ADAP1: variants seen among roughly 807,000 people sequenced by gnomAD.
ADAP1 encodes the protein ArfGAP with dual PH domains 1.
A neutral mutation model predicts 54.9 loss-of-function variants in ADAP1; 31 were observed. The ratio of observed to expected loss-of-function variants is 0.56; its 90% CI spans 0.42 to 0.76. The LOEUF (loss-of-function observed/expected upper bound fraction) is 0.76, where lower values mean the gene tolerates loss of function less well. Among genes scored for constraint, ADAP1 ranks in the 30% least tolerant of loss-of-function variants. The pLI, the probability that ADAP1 is intolerant of heterozygous loss-of-function variation, is 0.00. For synonymous variants in ADAP1, 313 were observed against 202.6 expected (o/e 1.55, Z -4.63); for missense variants, 535 against 512.4 (o/e 1.04, Z -0.42).
At chr7:913,556 G>A (rs1038166288) in intron 4 of ADAP1, among the ~76,000 whole-genome samples, 4 of 152,116 alleles carry the variant, frequency 2.6e-5, no homozygotes, top group African/African-American at 9.7e-5. Flanking sequence ...GGACTTGGGG[G>A]TGTGTACCTT....
chr7:936,395 G>T (rs1026436296), intron 1 of ADAP1, among the ~76,000 whole-genome samples: 2 of 152,204 alleles, frequency 1.3e-5, no homozygotes, highest in Non-Finnish European at 2.9e-5. Context: ...GTTTCATCAT[G>T]TTGGCCAGGC....
At chr7:950,524 C>T (rs534673547) in intron 1 of ADAP1, among the ~76,000 whole-genome samples, 2 of 149,630 alleles carry the variant, frequency 1.3e-5, no homozygotes, top group East Asian at 4.0e-4. Context: ...CGCATGGTTT[C>T]ACTTCTACAA....
Position 945,754 on chromosome 7 carries a change from T to C in ADAP1, c.82+8642A>G. ...TCCCTCCCTCCTCCCAGCCCCGCTC[T>C]GCCCTACCTGCTCCCAGGACGCCCG... On this transcript the variant is annotated intron_variant, in intron 1 of 10. Transcript: ENST00000265846. The surrounding 1 kb of genome is among the most constrained non-coding windows in gnomAD (Gnocchi z 4.2). 5.1e-6 allele frequency: 5 copies of C among 985,922 alleles called. No homozygotes were observed. Among genetic ancestry groups the C allele is most frequent in the Non-Finnish European group, 6.0e-6 (5 of 830,168 alleles). 61.1% of individuals were successfully genotyped at this position (985,922 alleles called of 1,614,324 possible).
Position 904,229 on chromosome 7 carries a change from G to C in ADAP1, c.545C>G (p.Ala182Gly). 6.2e-7 allele frequency: 1 copy of C among 1,609,992 alleles called. No individual in the cohort carries two copies. Among genetic ancestry groups the C allele is most frequent in the Non-Finnish European group, 8.5e-7 (1 of 1,178,426 alleles). The change falls in exon 6 of 11, where the codon GCC becomes GGC. Residue 182 changes from alanine (A) to glycine (G), a missense_variant. Coordinates refer to ENST00000265846, the MANE Select transcript of ADAP1 (RefSeq NM_006869.4). The stretch of plus-strand genomic sequence containing the variant: ...GCCGATCTTGGCCGGCTGGAAGGTG[G>C]CGTTCAGGTGCTCGATCTTCATCAC... ...KAVMKIEHLNATFQPAKIGHP... is the reference protein window; with the variant it reads ...KAVMKIEHLNGTFQPAKIGHP...
At chr7:953,942 G>A (rs1039505214) in intron 1 of ADAP1, among the ~76,000 whole-genome samples, 2 of 152,180 alleles carry the variant, frequency 1.3e-5, no homozygotes, top group Non-Finnish European at 2.9e-5. Flanking sequence ...GGTGCGGGAA[G>A]GGCGTGAGGC....
chr7:901,707 G>GC (rs1844824236), intron 6 of ADAP1, among the ~76,000 whole-genome samples: 1 of 119,334 alleles, frequency 8.4e-6, no homozygotes, highest in African/African-American at 3.2e-5. Context: ...CCTAGGCCAC[G>GC]CCCACAAGCC....
chr7:909,044 G>A (rs1175940511), intron 4 of ADAP1, among the ~76,000 whole-genome samples: 1 of 152,216 alleles, frequency 6.6e-6, no homozygotes, highest in African/African-American at 2.4e-5. Flanking sequence ...CAGGCCGCGG[G>A]GTCTGGGAGG....
At position 954,429 on chromosome 7, in the gene ADAP1, C is replaced by T. The variant is rs1402119335; in HGVS notation, c.49G>A (p.Gly17Arg). ...CCGCAGTCCGCGCAGCGCGCGTTCCCCGGCCGCTGCAGCAGCTCCAGGACC... is the reference window on the plus strand; with the variant it reads ...CCGCAGTCCGCGCAGCGCGCGTTCCTCGGCCGCTGCAGCAGCTCCAGGACC... ...RAVLELLQRP[G>R]NARCADCGAP... The change falls in exon 1 of 11, where the codon GGG becomes AGG. Residue 17 changes from glycine (G) to arginine (R), a missense_variant. Gly to Arg is a moderately radical substitution (Grantham distance 125). Coordinates refer to ENST00000265846, the MANE Select transcript of ADAP1 (RefSeq NM_006869.4). The T allele has an allele frequency of 8.8e-7, 1 of 1,140,614 alleles. No homozygotes were observed. The highest frequency in any genetic ancestry group is 1.1e-6 in the Non-Finnish European group (1 of 917,804). 70.7% of individuals were successfully genotyped at this position (1,140,614 alleles called of 1,614,324 possible).
chr7:935,728 C>T (rs1021630598), intron 1 of ADAP1, among the ~76,000 whole-genome samples: 2 of 152,012 alleles, frequency 1.3e-5, no homozygotes, highest in Admixed American at 6.5e-5. Context: ...CCCACGGCAT[C>T]TGAGGAAGCC....
chr7:922,868 C>T (rs1846240827), intron 3 of ADAP1: 1 of 149,590 alleles, frequency 6.7e-6, no homozygotes, highest in Admixed American at 6.6e-5. Flanking sequence ...CCACCCCCGC[C>T]CCCATTGTCT....
chr7:926,927 C>A lies in ADAP1; in HGVS notation c.214-283G>T. 1 of 1,209,610 alleles carries A rather than the reference C, an allele frequency of 8.3e-7. No individual in the cohort carries two copies. Among genetic ancestry groups the A allele is most frequent in the African/African-American group, 1.6e-5 (1 of 63,470 alleles). The allele number at this position is 1,209,610 out of a possible 1,614,324, so 74.9% of individuals were successfully genotyped here. The stretch of plus-strand genomic sequence containing the variant: ...CTTTTGAGGATGGGTCTGAGGTTTG[C>A]CCCACCGTTTCAACCCCCAAGTCCA... On this transcript the variant is annotated intron_variant, in intron 2 of 10. Coordinates refer to ENST00000265846, the MANE Select transcript of ADAP1 (RefSeq NM_006869.4). The surrounding 1 kb of genome is among the most constrained non-coding windows in gnomAD (Gnocchi z 4.6).
chr7:954,802 G>T (rs1219006907), upstream of ADAP1: 11 of 795,792 alleles, frequency 1.4e-5, no homozygotes, highest in Non-Finnish European at 1.7e-5. Flanking sequence ...CAGCCCGCGC[G>T]CCCCGGGGAC....
In ADAP1 at chr7:946,060, G is replaced by A. The variant is rs1847129590; in HGVS notation, c.82+8336C>T. On this transcript the variant is annotated intron_variant, in intron 1 of 10. Coordinates refer to ENST00000265846, the MANE Select transcript of ADAP1 (RefSeq NM_006869.4). The surrounding 1 kb of genome is among the most constrained non-coding windows in gnomAD (Gnocchi z 4.3). ...CACGCAAGGGGCAGCCGAGGTGGGA[G>A]GGTGCCCTTGTGGGAGGGGCTCCGG... Among the ~76,000 whole-genome samples, 1 of 152,236 alleles carries A rather than the reference G, an allele frequency of 6.6e-6. No homozygotes were observed. The highest frequency in any genetic ancestry group is 6.5e-5 in the Admixed American group (1 of 15,292).
intron 1 of ADAP1, among the ~76,000 whole-genome samples, chr7:947,705 G>T (rs191196985): frequency 1.3e-5 from 2 of 152,128 alleles, no homozygotes; most frequent in East Asian, 3.9e-4. Flanking sequence ...ACCCGGCCTC[G>T]GTCACTGCAG....
intron 4 of ADAP1, among the ~76,000 whole-genome samples, chr7:917,360 G>A (rs965292989): frequency 6.6e-5 from 10 of 151,144 alleles, no homozygotes; most frequent in African/African-American, 2.4e-4. Flanking sequence ...CGCAGTGCCA[G>A]CTCTACCAGG....
At position 898,312 on chromosome 7, in the gene ADAP1, A is replaced by G; in HGVS notation, c.*609T>C. 1 of 163,530 alleles carries G rather than the reference A, an allele frequency of 6.1e-6. No individual in the cohort carries two copies. The highest frequency in any genetic ancestry group is 5.7e-5 in the Admixed American group (1 of 17,652). The allele number at this position is 163,530 out of a possible 1,614,324, so 10.1% of individuals were successfully genotyped here. ...GGGCGCAGAGGCCACGTGTGGTGGG[A>G]CGGCAGCCTGCTGGCCCCTCCAGGT... is the stretch of plus-strand genomic sequence containing the variant. On this transcript the variant is annotated 3_prime_UTR_variant, in exon 11 of 11. Transcript: ENST00000265846.
chr7:954,388 A>G lies in ADAP1; in HGVS notation c.82+8T>C. The G allele has an allele frequency of 9.3e-7, 1 of 1,077,188 alleles. No individual in the cohort carries two copies. Among genetic ancestry groups the G allele is most frequent in the Non-Finnish European group, 1.1e-6 (1 of 881,774 alleles). The allele number at this position is 1,077,188 out of a possible 1,614,324, so 66.7% of individuals were successfully genotyped here. A position where few individuals can be genotyped will look rare whatever the true frequency, so the allele number is the denominator to read the frequency against. ...ACCCGGCCCCGCGCCCACCCGGCCCACACCTACCCGGGGCGCCGCAGTCCG... is the reference window on the plus strand; with the variant it reads ...ACCCGGCCCCGCGCCCACCCGGCCCGCACCTACCCGGGGCGCCGCAGTCCG... On this transcript the variant is annotated splice_region_variant and intron_variant, in intron 1 of 10. Coordinates refer to ENST00000265846, the MANE Select transcript of ADAP1 (RefSeq NM_006869.4).
intron 2 of ADAP1, among the ~76,000 whole-genome samples, chr7:929,393 C>T (rs748004740): frequency 3.3e-5 from 5 of 151,044 alleles, no homozygotes; most frequent in East Asian, 1.9e-4. Context: ...CAAAACACCA[C>T]GAATCGGCCG....
intron 4 of ADAP1, among the ~76,000 whole-genome samples, chr7:916,758 G>C (rs373668089): frequency 6.6e-5 from 10 of 152,138 alleles, no homozygotes; most frequent in East Asian, 1.9e-4. Flanking sequence ...GTGGGGGTTG[G>C]GGGGGCAGGA....
Sources: allele counts gnomAD v4.1 joint callset (sites outside exome capture counted in the v4.1 genomes callset), GRCh38; gene constraint gnomAD v4.1.1; non-coding constraint Gnocchi (gnomAD v3.1); transcripts MANE v1.5; gene names NCBI Gene and HGNC (gene_info 2026-07-23, HGNC 2026-07-21).